RO60: variants seen among roughly 807,000 people sequenced by gnomAD.
RO60 encodes the protein Ro60, Y RNA binding protein.
RO60 carries 20 observed loss-of-function variants against 55.3 expected under a neutral mutation model. The observed-to-expected ratio is 0.36, with a 90% CI of 0.25 to 0.53. The LOEUF (loss-of-function observed/expected upper bound fraction) is 0.53. RO60 is among the 20% of genes least tolerant of loss of function. RO60 has a pLI of 0.92. For synonymous variants in RO60, 213 were observed against 213.6 expected, an observed-to-expected ratio of 1.00 and a Z score of 0.02; for missense variants, 558 against 646.6, an observed-to-expected ratio of 0.86 and a Z score of 1.49.
chr1:193,091,752 A>G (rs1674869040), downstream of RO60: 1 of 1,318,600 alleles, frequency 7.6e-7, no homozygotes, highest in Non-Finnish European at 1.1e-6. Flanking sequence ...TGATAGATGT[A>G]CCAAATAAAC....
chr1:193,083,950 C>G (rs905663615), intron 8 of RO60, among the ~76,000 whole-genome samples: 1 of 151,992 alleles, frequency 6.6e-6, no homozygotes, highest in Non-Finnish European at 1.5e-5. Context: ...TCTGTGTGGA[C>G]CTGAGCAAAT....
At chr1:193,061,815 T>C (rs1440130829) in intron 1 of RO60, among the ~76,000 whole-genome samples, 2 of 152,198 alleles carry the variant, frequency 1.3e-5, no homozygotes, top group East Asian at 3.9e-4. Context: ...AAACCCCGTC[T>C]CTACTAAACA....
intron 2 of RO60, chr1:193,070,522 A>C: frequency 2.4e-6 from 1 of 423,370 alleles, no homozygotes; most frequent in Non-Finnish European, 4.8e-6. Context: ...CATGTTCAAA[A>C]TTTGACTTTT....
intron 1 of RO60, among the ~76,000 whole-genome samples, chr1:193,067,373 A>G (rs1472954069): frequency 1.3e-5 from 2 of 151,874 alleles, no homozygotes; most frequent in African/African-American, 4.8e-5. Flanking sequence ...TATTTTTAGT[A>G]GAGACGGGGT....
rs749117624 is a variant in RO60 at position 193,059,941 on chromosome 1, C to T, written c.-22+165C>T. 6 of 1,366,406 alleles carry T rather than the reference C, an allele frequency of 4.4e-6. No homozygotes were observed. The South Asian group carries it at 6.8e-5, about 16-fold the overall frequency. The allele number at this position is 1,366,406 out of a possible 1,614,324, so 84.6% of individuals were successfully genotyped here. On this transcript the variant is annotated intron_variant, in intron 1 of 8. Coordinates refer to ENST00000400968, the MANE Select transcript of RO60 (RefSeq NM_001173524.2). The surrounding 1 kb of genome is among the most constrained non-coding windows in gnomAD (Gnocchi z 4.9). ...CGTCCCGCTTCCGCGCCTGTCCACC[C>T]TGGGTAACGGAACCAGCATCGCGGT...
At chr1:193,081,176 T>TA (rs1228507595) in intron 5 of RO60, among the ~76,000 whole-genome samples, 188 bp from the exon 6 acceptor site, 2 of 151,928 alleles carry the variant, frequency 1.3e-5, no homozygotes, top group Non-Finnish European at 2.9e-5. Flanking sequence ...TTTTTATTAT[T>TA]TTTTTTTAAT....
rs1295843670 is a variant in RO60, at chr1:193,089,237, G to A, written c.*4506G>A. The A allele has an allele frequency of 6.6e-6, 1 of 152,092 alleles. No homozygotes were observed. The highest frequency in any genetic ancestry group is 1.5e-5 in the Non-Finnish European group (1 of 68,010). 9.4% of individuals were successfully genotyped at this position (152,092 alleles called of 1,614,324 possible). On this transcript the variant is annotated 3_prime_UTR_variant, in exon 9 of 9. Transcript: ENST00000400968. ...AGTGCTTACTATATAAGCACTCTTA[G>A]AAAAATAATTAACTGATTACTCTTT...
rs771140463 is a variant in RO60, at chr1:193,059,870, C to T, written c.-22+94C>T. 20 of 1,364,718 alleles carry T rather than the reference C, an allele frequency of 1.5e-5. No individual in the cohort carries two copies. In the South Asian group the frequency reaches 1.5e-4, roughly 10 times the overall value. The allele number at this position is 1,364,718 out of a possible 1,614,324, so 84.5% of individuals were successfully genotyped here. ...GTCCTCCATGTCTCTCACCCGCATC[C>T]CAGGGGTTGAGGCTGGGCAAACGCC... On this transcript the variant is annotated intron_variant, in intron 1 of 8. Transcript: ENST00000400968. This position sits in a 1 kb window ranked among gnomAD's most constrained non-coding sequence, Gnocchi z 4.9.
At position 193,084,742 on chromosome 1, in the gene RO60, C is replaced by G; in HGVS notation, c.*11C>G. 4 of 1,606,692 alleles carry G rather than the reference C, an allele frequency of 2.5e-6. No homozygotes were observed. Among genetic ancestry groups the G allele is most frequent in the Non-Finnish European group, 3.4e-6 (4 of 1,177,346 alleles). On this transcript the variant is annotated 3_prime_UTR_variant, in exon 9 of 9. Coordinates refer to ENST00000400968, the MANE Select transcript of RO60 (RefSeq NM_001173524.2). ...TTAGATATGATTTAACCATAAGCAGCAGCACGATCCAGAGATCCATTGCCA... is the reference window on the plus strand; with the variant it reads ...TTAGATATGATTTAACCATAAGCAGGAGCACGATCCAGAGATCCATTGCCA...
In RO60 at chr1:193,081,368, T is replaced by C; in HGVS notation, c.1091T>C (p.Val364Ala). 6.3e-7 allele frequency: 1 copy of C among 1,594,694 alleles called. No homozygotes were observed. The highest frequency in any genetic ancestry group is 2.2e-5 in the East Asian group (1 of 44,634). ...DAAFYKTFKT[V>A]EPTGKRFLLA... is the part of the protein sequence containing the mutation. ...ATTGTTTTGTTTTCTCTGTAGACAG[T>C]TGAACCAACTGGAAAACGTTTCTTA... is the stretch of plus-strand genomic sequence containing the variant. Residue 364 changes from valine to alanine, a missense_variant, in exon 6 of 9, where the codon GTT (valine) becomes GCT (alanine). Coordinates refer to ENST00000400968, the MANE Select transcript of RO60 (RefSeq NM_001173524.2).
chr1:193,060,542 C>CT (rs1672518935), intron 1 of RO60, among the ~76,000 whole-genome samples: 1 of 152,106 alleles, frequency 6.6e-6, no homozygotes, highest in Non-Finnish European at 1.5e-5. Flanking sequence ...GGGTAAAACT[C>CT]TGACTCCTTC....
intron 8 of RO60, among the ~76,000 whole-genome samples, chr1:193,083,604 A>G (rs1674466324): frequency 6.6e-6 from 1 of 152,184 alleles, no homozygotes; most frequent in Non-Finnish European, 1.5e-5. Flanking sequence ...CTCACCTGCG[A>G]CCGTATTAGA....
At chr1:193,081,627 T>C in intron 6 of RO60, 147 bp downstream of exon 6, 1 of 552,726 alleles carries the variant, frequency 1.8e-6, no homozygotes, top group South Asian at 2.5e-5. Flanking sequence ...TTAAAGATAA[T>C]TGTGTAAAGC....
chr1:193,066,541 C>T (rs1673120338), intron 1 of RO60, among the ~76,000 whole-genome samples: 1 of 152,168 alleles, frequency 6.6e-6, no homozygotes, highest in Admixed American at 6.6e-5. Context: ...AATTACCAAC[C>T]ATTCACTCCT....
At chr1:193,076,813 T>A in intron 4 of RO60, 100 bp from the exon 5 acceptor site, 1 of 1,378,496 alleles carries the variant, frequency 7.3e-7, no homozygotes, top group South Asian at 1.4e-5. Context: ...TTTTCTCTTT[T>A]CTATATGAAA....
Position 193,059,623 on chromosome 1 carries a change from G to A in RO60, c.-175G>A. The A allele has an allele frequency of 7.1e-7, 1 of 1,411,888 alleles. No homozygotes were observed. Among genetic ancestry groups the A allele is most frequent in the South Asian group, 1.1e-5 (1 of 87,352 alleles). 87.5% of individuals were successfully genotyped at this position (1,411,888 alleles called of 1,614,324 possible). Reference sequence around the variant, plus strand: ...AGAAGAGGGGCAGGACTCGTTCCCGGGAACCGAACCTGGAATCCCCGGCGG... The same window carrying A: ...AGAAGAGGGGCAGGACTCGTTCCCGAGAACCGAACCTGGAATCCCCGGCGG... On this transcript the variant is annotated 5_prime_UTR_variant, in exon 1 of 9. Coordinates refer to ENST00000400968, the MANE Select transcript of RO60 (RefSeq NM_001173524.2). The surrounding 1 kb of genome is among the most constrained non-coding windows in gnomAD (Gnocchi z 4.9).
At chr1:193,081,050 A>G (rs1233679696) in intron 5 of RO60, among the ~76,000 whole-genome samples, 2 of 152,236 alleles carry the variant, frequency 1.3e-5, no homozygotes, top group Non-Finnish European at 2.9e-5. Flanking sequence ...AAAATTTCCT[A>G]CTAAAAATTC....
Position 193,087,959 on chromosome 1 carries a change from A to G in RO60, c.*3228A>G, listed in dbSNP as rs929440889. On this transcript the variant is annotated 3_prime_UTR_variant, in exon 9 of 9. Coordinates refer to ENST00000400968, the MANE Select transcript of RO60 (RefSeq NM_001173524.2). ...GAAGAGGGAGAAAAAATATACTCCA[A>G]GATCTTCTTGGACAGACCTAGAAAA... 2 of 152,096 alleles carry G rather than the reference A, an allele frequency of 1.3e-5. No individual in the cohort carries two copies. Among genetic ancestry groups the G allele is most frequent in the Admixed American group, 6.6e-5 (1 of 15,258 alleles). 9.4% of individuals were successfully genotyped at this position (152,096 alleles called of 1,614,324 possible).
chr1:193,076,764 G>T, intron 4 of RO60, 117 bp downstream of exon 4: 1 of 1,333,928 alleles, frequency 7.5e-7, no homozygotes, highest in South Asian at 1.5e-5. Flanking sequence ...ATACCAAATT[G>T]CATTATGGCT....
Sources: gnomAD v4.1 joint callset for allele counts (sites outside exome capture counted in the v4.1 genomes callset) on GRCh38, gnomAD v4.1.1 for gene constraint, Gnocchi (gnomAD v3.1) non-coding constraint, MANE v1.5 for transcripts, NCBI Gene and HGNC (gene_info 2026-07-23, HGNC 2026-07-21) for gene names.